Variants in ADAMTSL3 observed in about 807,000 individuals in gnomAD.
ADAMTSL3 encodes the protein ADAMTS like 3, also known as ADAMTS-like protein 3.
In ADAMTSL3, 128 loss-of-function variants were observed where a neutral mutation model predicts 201.7. The observed-to-expected ratio is 0.63, with a 90% CI of 0.55 to 0.73. ADAMTSL3 has a LOEUF of 0.73. ADAMTSL3 is among the 30% of genes least tolerant of loss of function. The pLI is 0.00. For missense variants in ADAMTSL3, 1,990 were observed against 2,119.6 expected (o/e 0.94, Z 1.20); for synonymous variants, 738 against 748.4 (o/e 0.99, Z 0.23).
intron 2 of ADAMTSL3, among the ~76,000 whole-genome samples, chr15:83,666,338 T>G (rs899838420): frequency 2.0e-5 from 3 of 152,214 alleles, no homozygotes; most frequent in Non-Finnish European, 4.4e-5. Context: ...AGACACATAA[T>G]TTTTGGGTCA....
intron 20 of ADAMTSL3, among the ~76,000 whole-genome samples, chr15:83,978,146 C>A (rs1424192765): frequency 6.6e-6 from 1 of 152,198 alleles, no homozygotes; most frequent in African/African-American, 2.4e-5. Context: ...AATATCCAGC[C>A]AGATGGCTTG....
chr15:83,968,178 CA>C (rs2067124801), intron 19 of ADAMTSL3, among the ~76,000 whole-genome samples: 1 of 152,142 alleles, frequency 6.6e-6, no homozygotes, highest in Non-Finnish European at 1.5e-5. Flanking sequence ...CCAAAATTGA[CA>C]AATGGGATCT....
chr15:83,959,300 A>G (rs1386178473), intron 19 of ADAMTSL3, among the ~76,000 whole-genome samples: 1 of 151,914 alleles, frequency 6.6e-6, no homozygotes, highest in Non-Finnish European at 1.5e-5. Flanking sequence ...TTAATGGCAC[A>G]CTCCTGTAAT....
Position 83,982,695 on chromosome 15 carries a change from G to C in ADAMTSL3, c.3067G>C (p.Ala1023Pro). The change falls in exon 21 of 30, where the codon GCC (alanine) becomes CCC (proline). Residue 1023 changes from alanine to proline, a missense_variant. By Grantham distance (27) the Ala-to-Pro change is conservative. Coordinates refer to ENST00000286744, the MANE Select transcript of ADAMTSL3 (RefSeq NM_207517.3). ...ATATCCTGGGATGGACCACAGCGAA[G>C]CCAATAGTTTGGGAGTCACATGGCA... ...REYPGMDHSEANSLGVTWHKM... is the reference protein window; with the variant it reads ...REYPGMDHSEPNSLGVTWHKM... 6.2e-7 allele frequency: 1 copy of C among 1,608,982 alleles called. No individual in the cohort carries two copies. The highest frequency in any genetic ancestry group is 8.5e-7 in the Non-Finnish European group (1 of 1,179,980).
intron 2 of ADAMTSL3, among the ~76,000 whole-genome samples, chr15:83,658,591 C>G (rs1191135884): frequency 6.6e-6 from 1 of 152,212 alleles, no homozygotes; most frequent in East Asian, 1.9e-4. Flanking sequence ...GAGCGGCCTC[C>G]CCTCTTCCTG....
chr15:83,750,224 A>G (rs2062617174), intron 3 of ADAMTSL3, among the ~76,000 whole-genome samples: 1 of 152,150 alleles, frequency 6.6e-6, no homozygotes, highest in Admixed American at 6.5e-5. Context: ...ATATCTGGTA[A>G]CTCAACACAG....
At chr15:83,705,507 G>A (rs905037399) in intron 3 of ADAMTSL3, among the ~76,000 whole-genome samples, 3 of 152,184 alleles carry the variant, frequency 2.0e-5, no homozygotes, top group African/African-American at 7.2e-5. Flanking sequence ...GCCAACATGG[G>A]TAGATCCAAG....
At chr15:83,972,606 G>A (rs1427998732) in intron 20 of ADAMTSL3, among the ~76,000 whole-genome samples, 1 of 152,054 alleles carries the variant, frequency 6.6e-6, no homozygotes, top group Admixed American at 6.5e-5. Flanking sequence ...ATGCATTGAG[G>A]AGCAGAGAAA....
At chr15:83,963,278 T>C (rs1174176268) in intron 19 of ADAMTSL3, among the ~76,000 whole-genome samples, 1 of 152,288 alleles carries the variant, frequency 6.6e-6, no homozygotes, top group East Asian at 1.9e-4. Context: ...TCGCTGCCAG[T>C]ACAGCAGTGC....
intron 2 of ADAMTSL3, 149 bp from the exon 3 acceptor site, chr15:83,704,240 C>A: frequency 8.3e-7 from 1 of 1,209,294 alleles, no homozygotes; most frequent in Non-Finnish European, 1.2e-6. Flanking sequence ...TGTGCCTCAC[C>A]CTGGTCTTTG....
intron 3 of ADAMTSL3, among the ~76,000 whole-genome samples, chr15:83,768,107 G>C (rs1376617387): frequency 6.6e-6 from 1 of 152,156 alleles, no homozygotes; most frequent in African/African-American, 2.4e-5. Flanking sequence ...AAATGGGAGA[G>C]AGCTGGTTCT....
chr15:83,806,227 C>T (rs1386433219), intron 5 of ADAMTSL3, among the ~76,000 whole-genome samples: 10 of 148,126 alleles, frequency 6.8e-5, no homozygotes, highest in African/African-American at 2.5e-4. Flanking sequence ...GTCCACATGG[C>T]ACCCTTCCCT....
chr15:83,770,818 C>A (rs145825715), intron 3 of ADAMTSL3, among the ~76,000 whole-genome samples: 1 of 152,074 alleles, frequency 6.6e-6, no homozygotes, highest in African/African-American at 2.4e-5. Flanking sequence ...GCCTGTAATC[C>A]GAGGACTTTG....
chr15:83,656,012 A>G (rs1351558036), intron 2 of ADAMTSL3, among the ~76,000 whole-genome samples, 182 bp downstream of exon 2: 1 of 152,144 alleles, frequency 6.6e-6, no homozygotes, highest in Non-Finnish European at 1.5e-5. Context: ...GATTATCCAG[A>G]TCCCTTGGGT....
At chr15:83,728,405 C>T (rs2062213712) in intron 3 of ADAMTSL3, among the ~76,000 whole-genome samples, 1 of 150,856 alleles carries the variant, frequency 6.6e-6, no homozygotes, top group South Asian at 2.1e-4. Flanking sequence ...TATTTGTTTT[C>T]TGGTCTTCTC....
At chr15:83,953,210 C>T (rs779112216) in intron 19 of ADAMTSL3, among the ~76,000 whole-genome samples, 4 of 151,928 alleles carry the variant, frequency 2.6e-5, no homozygotes, top group Non-Finnish European at 4.4e-5. Flanking sequence ...TCTCTTTCTT[C>T]TTTCCTTCCT....
intron 3 of ADAMTSL3, among the ~76,000 whole-genome samples, chr15:83,756,962 G>A (rs1015542644): frequency 6.6e-6 from 1 of 152,234 alleles, no homozygotes; most frequent in African/African-American, 2.4e-5. Context: ...GATGCAAGAG[G>A]TGGGCTCCCA....
chr15:83,879,778 G>T (rs2141851854), intron 9 of ADAMTSL3, among the ~76,000 whole-genome samples: 1 of 152,238 alleles, frequency 6.6e-6, no homozygotes, highest in South Asian at 2.1e-4. Context: ...TAACCTTCCT[G>T]ATTTTTGTCT....
intron 3 of ADAMTSL3, among the ~76,000 whole-genome samples, chr15:83,717,029 T>C (rs2062029351): frequency 6.6e-6 from 1 of 152,248 alleles, no homozygotes; most frequent in Non-Finnish European, 1.5e-5. Flanking sequence ...AGCTATGATA[T>C]ATTGTAAATA....
Sources: gnomAD v4.1 joint callset for allele counts (sites outside exome capture counted in the v4.1 genomes callset) on GRCh38, gnomAD v4.1.1 for gene constraint, MANE v1.5 for transcripts, NCBI Gene and HGNC (gene_info 2026-07-23, HGNC 2026-07-21) for gene names.